Variants in FABP6 observed in about 807,000 individuals in gnomAD.
FABP6 encodes fatty acid binding protein 6.
A neutral mutation model predicts 14.9 loss-of-function variants in FABP6; 13 were observed. That is an observed-to-expected ratio of 0.87 (90% CI 0.57 to 1.39). The LOEUF (loss-of-function observed/expected upper bound fraction) is 1.39. Ranked by LOEUF, FABP6 falls within the 40% of genes most tolerant of loss-of-function variation. The pLI is 0.00. For synonymous variants in FABP6, 75 were observed against 63.6 expected, an observed-to-expected ratio of 1.18 and a Z score of -0.85; for missense variants, 161 against 167.2, an observed-to-expected ratio of 0.96 and a Z score of 0.20.
At chr5:160,196,157 G>A (rs977313847) in intron 1 of FABP6, among the ~76,000 whole-genome samples, 5 of 152,254 alleles carry the variant, frequency 3.3e-5, no homozygotes, top group African/African-American at 1.2e-4. Flanking sequence ...GCACCAAGAT[G>A]CCAGGTGGCT....
chr5:160,221,523 G>T (rs1760127862), intron 3 of FABP6, among the ~76,000 whole-genome samples: 1 of 152,160 alleles, frequency 6.6e-6, no homozygotes, highest in Non-Finnish European at 1.5e-5. Flanking sequence ...AACCTTTCTA[G>T]CTCACTCACT....
chr5:160,222,285 T>C (rs1760145525), intron 3 of FABP6, among the ~76,000 whole-genome samples: 1 of 151,856 alleles, frequency 6.6e-6, no homozygotes, highest in South Asian at 2.1e-4. Flanking sequence ...AGAGATGAGG[T>C]CTCTATATTG....
intron 2 of FABP6, 70 bp downstream of exon 2, chr5:160,232,343 T>A: frequency 7.0e-7 from 1 of 1,433,768 alleles, no homozygotes; most frequent in Admixed American, 2.4e-5. Context: ...AAACATGGCC[T>A]CCCCGCTCCC....
intron 2 of FABP6, among the ~76,000 whole-genome samples, chr5:160,206,332 G>T (rs1003465801): frequency 6.6e-6 from 1 of 152,134 alleles, no homozygotes; most frequent in Non-Finnish European, 1.5e-5. Flanking sequence ...GGAGGCTGGG[G>T]CAAGAGAATC....
Position 160,223,475 on chromosome 5 carries a change from T to C in FABP6, c.136-6071T>C, listed in dbSNP as rs138362774. Among the ~76,000 whole-genome samples, 394 of 150,902 alleles carry C rather than the reference T, an allele frequency of 2.6e-3. 2 individuals carry two copies. The highest frequency in any genetic ancestry group is 8.8e-3 in the African/African-American group (361 of 41,070). On this transcript the variant is annotated intron_variant, in intron 3 of 6. Coordinates refer to the FABP6 transcript ENST00000393980. ...TCTCGCTCTGTTGCCTAGGCTGGAG[T>C]GCAGTGGCACAATCTTGACTCATGC... is the stretch of plus-strand genomic sequence containing the variant.
chr5:160,211,694 G>A (rs1215002425), intron 2 of FABP6, among the ~76,000 whole-genome samples: 1 of 152,152 alleles, frequency 6.6e-6, no homozygotes, highest in Admixed American at 6.6e-5. Flanking sequence ...GCCTGGTGGT[G>A]GAGCTTTTTC....
chr5:160,219,428 A>T (rs913657970), intron 3 of FABP6, among the ~76,000 whole-genome samples: 10 of 152,154 alleles, frequency 6.6e-5, no homozygotes, highest in Admixed American at 5.9e-4. Flanking sequence ...CTTCACTGTG[A>T]TATGGAGGCA....
intron 3 of FABP6, among the ~76,000 whole-genome samples, chr5:160,224,008 G>C: frequency 6.6e-6 from 1 of 151,770 alleles, no homozygotes; most frequent in Middle Eastern, 3.2e-3. Flanking sequence ...AGGCCGAGGC[G>C]GGCAGATCAC....
At chr5:160,201,623 G>A (rs985340189) in intron 2 of FABP6, among the ~76,000 whole-genome samples, 1 of 151,970 alleles carries the variant, frequency 6.6e-6, no homozygotes. Flanking sequence ...GGAGCCAGGT[G>A]GGATTCCCTC....
chr5:160,194,853 C>G (rs1385351570), intron 1 of FABP6, among the ~76,000 whole-genome samples: 4 of 152,210 alleles, frequency 2.6e-5, no homozygotes, highest in African/African-American at 9.6e-5. Flanking sequence ...CCCACCCCAT[C>G]AGTCTATTTG....
intron 3 of FABP6, among the ~76,000 whole-genome samples, chr5:160,214,913 T>G (rs1759981011): frequency 6.6e-6 from 1 of 152,158 alleles, no homozygotes; most frequent in Non-Finnish European, 1.5e-5. Context: ...ATACTGTTCC[T>G]AGTGAGGTGG....
At chr5:160,233,786 C>T (rs888784463) in intron 2 of FABP6, among the ~76,000 whole-genome samples, 2 of 151,700 alleles carry the variant, frequency 1.3e-5, no homozygotes, top group Non-Finnish European at 2.9e-5. Flanking sequence ...GGCAGGAGAT[C>T]GCTTGAACCC....
chr5:160,214,107 C>CTT (rs1483089466), intron 3 of FABP6, among the ~76,000 whole-genome samples: 1 of 132,094 alleles, frequency 7.6e-6, no homozygotes, highest in Non-Finnish European at 1.6e-5. Context: ...TTCTTTCTTT[C>CTT]TTTCTTTCTT....
intron 3 of FABP6, among the ~76,000 whole-genome samples, chr5:160,218,347 A>C (rs1445583111): frequency 6.6e-6 from 1 of 152,130 alleles, no homozygotes; most frequent in East Asian, 1.9e-4. Context: ...AGAACCAGTA[A>C]GTGACAGAGC....
chr5:160,221,458 T>C (rs868350116), intron 3 of FABP6, among the ~76,000 whole-genome samples: 6 of 152,272 alleles, frequency 3.9e-5, no homozygotes, highest in Middle Eastern at 6.8e-3. Context: ...AGGTACGAAC[T>C]TCCTCCAAGA....
intron 1 of FABP6, chr5:160,198,859 A>G: frequency 1.8e-6 from 1 of 546,102 alleles, no homozygotes; most frequent in Non-Finnish European, 3.3e-6. Flanking sequence ...GTTGTTCTTT[A>G]CAGCACTTTT....
chr5:160,228,486 A>G (rs1160392507), upstream of FABP6: 1 of 456,180 alleles, frequency 2.2e-6, no homozygotes, highest in Admixed American at 2.3e-5. Context: ...ACATTCTCAC[A>G]AGATGGGTAG....
At chr5:160,231,446 T>C (rs1196839144) in intron 1 of FABP6, among the ~76,000 whole-genome samples, 1 of 152,220 alleles carries the variant, frequency 6.6e-6, no homozygotes, top group African/African-American at 2.4e-5. Context: ...CAGGCGGAAC[T>C]GCAGTGGCGC....
At chr5:160,200,282 C>T (rs1419322644) in intron 2 of FABP6, among the ~76,000 whole-genome samples, 3 of 150,750 alleles carry the variant, frequency 2.0e-5, no homozygotes, top group African/African-American at 4.8e-5. Context: ...ACCTATTGAG[C>T]AGAGGTGGCA....
Sources: gnomAD v4.1 joint callset for allele counts (sites outside exome capture counted in the v4.1 genomes callset) on GRCh38, gnomAD v4.1.1 for gene constraint, MANE v1.5 for transcripts, NCBI Gene and HGNC (gene_info 2026-07-23, HGNC 2026-07-21) for gene names.